Variants in DUSP10 observed in about 807,000 individuals in gnomAD.
The protein encoded by DUSP10 is dual specificity phosphatase 10.
A neutral mutation model predicts 30.8 loss-of-function variants in DUSP10; 14 were observed. That is an observed-to-expected ratio of 0.46 (90% confidence interval 0.30 to 0.71). The LOEUF is 0.71. DUSP10 is among the 30% of genes least tolerant of loss of function. The pLI is 0.08. For synonymous variants in DUSP10, 254 were observed against 250.4 expected, an observed-to-expected ratio of 1.01 and a Z score of -0.14; for missense variants, 550 against 619.4, an observed-to-expected ratio of 0.89 and a Z score of 1.19.
chr1:221,706,109 GC>G lies in DUSP10; in HGVS notation c.1168del (p.Ala390LeufsTer34). ...KQNLRQYFEE[A>X]FEFIEEAHQC... ...GAGATAGTTACCAATGAACTCAAAA[GC>G]CTCTTCAAAGTACTGCCGCAGGTTC... is the stretch of plus-strand genomic sequence containing the variant. On this transcript the variant is annotated frameshift_variant, in exon 3 of 4. Coordinates refer to ENST00000366899, the MANE Select transcript of DUSP10 (RefSeq NM_007207.6). LOFTEE classifies it high-confidence loss of function. The surrounding 1 kb of genome is among the most constrained non-coding windows in gnomAD (Gnocchi z 4.6). 1 of 1,613,280 alleles carries G rather than the reference GC, an allele frequency of 6.2e-7. No individual in the cohort carries two copies. The highest frequency in any genetic ancestry group is 8.5e-7 in the Non-Finnish European group (1 of 1,179,468).
At chr1:221,732,077 C>T (rs1351675102) in intron 2 of DUSP10, among the ~76,000 whole-genome samples, 1 of 152,180 alleles carries the variant, frequency 6.6e-6, no homozygotes, top group South Asian at 2.1e-4. Context: ...GAAGACTGGT[C>T]CCATCCATAT....
At chr1:221,705,861 C>T (rs897724296) in intron 3 of DUSP10, among the ~76,000 whole-genome samples, 1 of 152,210 alleles carries the variant, frequency 6.6e-6, no homozygotes, top group African/African-American at 2.4e-5. Context: ...TCTAGTTGAA[C>T]AGATCCCAAC....
At chr1:221,717,257 A>C (rs372225201) in intron 2 of DUSP10, among the ~76,000 whole-genome samples, 182 of 152,212 alleles carry the variant, frequency 1.2e-3, no homozygotes, top group African/African-American at 4.0e-3. Context: ...AGGGAGCCAA[A>C]TGTGGGGAGG....
chr1:221,728,530 T>G (rs1661489641), intron 2 of DUSP10, among the ~76,000 whole-genome samples: 1 of 152,196 alleles, frequency 6.6e-6, no homozygotes, highest in Non-Finnish European at 1.5e-5. Flanking sequence ...TAAGAAAGAT[T>G]AGGAAAGGAG....
intron 2 of DUSP10, among the ~76,000 whole-genome samples, chr1:221,707,734 C>G (rs538245296): frequency 6.6e-6 from 1 of 152,014 alleles, no homozygotes; most frequent in Non-Finnish European, 1.5e-5. Context: ...ATTCATTCCA[C>G]GGAGTATTAT....
intron 1 of DUSP10, among the ~76,000 whole-genome samples, chr1:221,740,312 G>A (rs941529083): frequency 6.6e-6 from 1 of 152,184 alleles, no homozygotes; most frequent in Non-Finnish European, 1.5e-5. Context: ...ACATCAGGGT[G>A]GATGTCAACT....
Position 221,706,337 on chromosome 1 carries a change from G to A in DUSP10, c.941C>T (p.Thr314Ile). 6.2e-7 allele frequency: 1 copy of A among 1,612,238 alleles called. No individual in the cohort carries two copies. Among genetic ancestry groups the A allele is most frequent in the Non-Finnish European group, 8.5e-7 (1 of 1,178,402 alleles). Residue 314 changes from threonine (T) to isoleucine (I), a missense_variant, in exon 3 of 4, where the codon ACC becomes ATC. Transcript: ENST00000366899. This position sits in a 1 kb window ranked among gnomAD's most constrained non-coding sequence, Gnocchi z 4.6. ...SSLLPQPIPTTPDIENAELTP... is the reference protein window; with the variant it reads ...SSLLPQPIPTIPDIENAELTP... Reference sequence around the variant, plus strand: ...GAGCTCAGCGTTCTCGATGTCAGGGGTGGTGGGGATGGGCTGAGGTAGCAA... The same window carrying A: ...GAGCTCAGCGTTCTCGATGTCAGGGATGGTGGGGATGGGCTGAGGTAGCAA...
intron 2 of DUSP10, among the ~76,000 whole-genome samples, chr1:221,728,089 A>G (rs888164188): frequency 6.6e-6 from 1 of 152,076 alleles, no homozygotes; most frequent in Non-Finnish European, 1.5e-5. Flanking sequence ...CTTAGCCTCC[A>G]TTTTCTCACT....
At chr1:221,710,577 T>C (rs1218355852) in intron 2 of DUSP10, among the ~76,000 whole-genome samples, 5 of 151,924 alleles carry the variant, frequency 3.3e-5, no homozygotes, top group African/African-American at 1.2e-4. Flanking sequence ...ATAAGTAAAC[T>C]AATGTTCCTG....
Position 221,702,398 on chromosome 1 carries a change from C to T in DUSP10, c.*14G>A, listed in dbSNP as rs1280457766. ...CCTAATGGAGAGCAGCAATCCTTTC[C>T]ATCCAGACCATTGTCACACAACCGT... On this transcript the variant is annotated 3_prime_UTR_variant, in exon 4 of 4. Coordinates refer to ENST00000366899, the MANE Select transcript of DUSP10 (RefSeq NM_007207.6). This position sits in a 1 kb window ranked among gnomAD's most constrained non-coding sequence, Gnocchi z 4.5. The T allele has an allele frequency of 6.8e-6, 11 of 1,612,374 alleles. No homozygotes were observed. In the Admixed American group the frequency reaches 1.7e-4, roughly 24 times the overall value.
intron 2 of DUSP10, among the ~76,000 whole-genome samples, chr1:221,725,468 G>A (rs1373771934): frequency 6.6e-6 from 1 of 152,026 alleles, no homozygotes; most frequent in Non-Finnish European, 1.5e-5. Flanking sequence ...AGCAGAAATG[G>A]GGCTTTCTAG....
intron 2 of DUSP10, among the ~76,000 whole-genome samples, chr1:221,715,419 C>G (rs1001474889): frequency 6.6e-6 from 1 of 152,168 alleles, no homozygotes; most frequent in Non-Finnish European, 1.5e-5. Context: ...GGATTTCCGC[C>G]GGCTGGAGTA....
intron 2 of DUSP10, among the ~76,000 whole-genome samples, chr1:221,725,768 A>G (rs936195226): frequency 2.0e-5 from 3 of 152,186 alleles, no homozygotes; most frequent in Non-Finnish European, 2.9e-5. Context: ...GGATTTAGAA[A>G]AGTTGAGAGG....
intron 2 of DUSP10, among the ~76,000 whole-genome samples, chr1:221,721,353 G>A (rs1436422667): frequency 1.3e-5 from 2 of 152,294 alleles, no homozygotes; most frequent in East Asian, 1.9e-4. Flanking sequence ...ATCTAATGAG[G>A]GAAAGGAGGA....
Position 221,720,801 on chromosome 1 carries a change from T to C in DUSP10, c.812-14335A>G, listed in dbSNP as rs115943219. Among the ~76,000 whole-genome samples the C allele has an allele frequency of 7.4e-3, 1,135 of 152,360 alleles. 13 individuals are homozygous for C. Among genetic ancestry groups the C allele is most frequent in the African/African-American group, 0.025 (1,050 of 41,584 alleles). The stretch of plus-strand genomic sequence containing the variant: ...GTTCTCAGAAAAGTCTTCCCTGACA[T>C]TCAATTTACAGCTACCCTTCCAAAT... On this transcript the variant is annotated intron_variant, in intron 2 of 3. Coordinates refer to ENST00000366899, the MANE Select transcript of DUSP10 (RefSeq NM_007207.6).
At chr1:221,730,238 T>G (rs376877598) in intron 2 of DUSP10, among the ~76,000 whole-genome samples, 1 of 152,296 alleles carries the variant, frequency 6.6e-6, no homozygotes, top group South Asian at 2.1e-4. Flanking sequence ...AACCGGATAG[T>G]GATGTTCTGA....
At chr1:221,711,547 T>C (rs767237603) in intron 2 of DUSP10, 8 of 152,196 alleles carry the variant, frequency 5.3e-5, no homozygotes, top group Non-Finnish European at 1.0e-4. Flanking sequence ...ACCAGTCTTT[T>C]AAAGTAAAAC....
chr1:221,739,517 G>A lies in DUSP10; in HGVS notation c.228C>T (p.Ser76=), dbSNP rs1661886616. ...TTGCCACAGTGCAGCAGCTGGCACT[G>A]CTGCATCCACAATTCAGCGAGCGGG... ...GSARSLNCGC[S]SASCCTVATY... is the part of the protein sequence containing the mutation. The change falls in exon 2 of 4, where the codon AGC becomes AGT. Residue 76 remains serine (S), a synonymous_variant. Transcript: ENST00000366899. 6.2e-7 allele frequency: 1 copy of A among 1,614,078 alleles called. No individual in the cohort carries two copies. Among genetic ancestry groups the A allele is most frequent in the Admixed American group, 1.7e-5 (1 of 59,998 alleles).
At position 221,706,128 on chromosome 1, in the gene DUSP10, G is replaced by A. The variant is rs1303727139; in HGVS notation, c.1150C>T (p.Arg384Trp). The A allele has an allele frequency of 3.7e-6, 6 of 1,613,942 alleles. No individual in the cohort carries two copies. The highest frequency in any genetic ancestry group is 2.2e-5 in the South Asian group (2 of 91,074). ...TCAAAAGCCTCTTCAAAGTACTGCC[G>A]CAGGTTCTGCTTGTTGCTGTCAGTG... ...PATDSNKQNL[R>W]QYFEEAFEFI... is the part of the protein sequence containing the mutation. The change falls in exon 3 of 4, where the codon CGG becomes TGG. Residue 384 changes from arginine (R) to tryptophan (W), a missense_variant. Physicochemically the swap from Arg to Trp is moderately radical, Grantham distance 101. Coordinates refer to ENST00000366899, the MANE Select transcript of DUSP10 (RefSeq NM_007207.6). The surrounding 1 kb of genome is among the most constrained non-coding windows in gnomAD (Gnocchi z 4.6).
Sources: gnomAD v4.1 joint callset for allele counts (sites outside exome capture counted in the v4.1 genomes callset) on GRCh38, gnomAD v4.1.1 for gene constraint, Gnocchi (gnomAD v3.1) non-coding constraint, MANE v1.5 for transcripts, NCBI Gene and HGNC (gene_info 2026-07-23, HGNC 2026-07-21) for gene names.